DPF3: variants seen among roughly 807,000 people sequenced by gnomAD.
DPF3 encodes double PHD fingers 3.
Under a neutral mutation model 56.8 loss-of-function variants are expected in DPF3, and 18 were observed. That is an observed-to-expected ratio of 0.32 (90% CI 0.22 to 0.47). The LOEUF (loss-of-function observed/expected upper bound fraction) is 0.47, where lower values mean the gene tolerates loss of function less well. DPF3 is among the 20% of genes least tolerant of loss of function. The probability of loss-of-function intolerance (pLI) is 1.00; values close to 1 mark genes in which losing one functional copy is unlikely to be tolerated. For synonymous variants in DPF3, 188 were observed against 180.2 expected, an observed-to-expected ratio of 1.04 and a Z score of -0.35; for missense variants, 403 against 488.8, an observed-to-expected ratio of 0.82 and a Z score of 1.65.
intron 1 of DPF3, among the ~76,000 whole-genome samples, chr14:72,821,576 A>T (rs1883546299): frequency 6.6e-6 from 1 of 152,250 alleles, no homozygotes; most frequent in Non-Finnish European, 1.5e-5. Flanking sequence ...TCTCAAATAT[A>T]CTCAACGTAT....
At chr14:72,846,328 C>CTTTTTTTTT in intron 1 of DPF3, among the ~76,000 whole-genome samples, 1 of 62,432 alleles carries the variant, frequency 1.6e-5, no homozygotes, top group Non-Finnish European at 2.8e-5. Flanking sequence ...CCAGGCTAGT[C>CTTTTTTTTT]TTTTTTTTTT....
At chr14:72,690,598 G>A (rs559242515) in intron 7 of DPF3, among the ~76,000 whole-genome samples, 12 of 149,770 alleles carry the variant, frequency 8.0e-5, no homozygotes, top group Admixed American at 2.0e-4. Context: ...GTATACACAC[G>A]CACACACAAC....
At chr14:72,871,224 G>A (rs112151398) in intron 1 of DPF3, among the ~76,000 whole-genome samples, 3,139 of 152,244 alleles carry the variant, frequency 0.021, 112 homozygotes, top group African/African-American at 0.071. Context: ...TGAGATTTAC[G>A]TGGGGACACA....
At chr14:72,745,184 T>C (rs1204606129) in intron 3 of DPF3, among the ~76,000 whole-genome samples, 1 of 152,172 alleles carries the variant, frequency 6.6e-6, no homozygotes, top group East Asian at 1.9e-4. Flanking sequence ...TTTAAAGAGA[T>C]GCAACCCAGG....
intron 1 of DPF3, among the ~76,000 whole-genome samples, chr14:72,837,368 AT>A (rs904804361): frequency 2.6e-5 from 4 of 152,250 alleles, no homozygotes; most frequent in African/African-American, 4.8e-5. Flanking sequence ...AATGAAAAGC[AT>A]TTTTTTGGGG....
intron 9 of DPF3, among the ~76,000 whole-genome samples, chr14:72,629,004 A>C (rs1477167341): frequency 6.6e-6 from 1 of 152,222 alleles, no homozygotes; most frequent in Non-Finnish European, 1.5e-5. Flanking sequence ...GCCTTATTTG[A>C]ATCCCAATTC....
In DPF3 at chr14:72,755,684, T is replaced by G. The variant is rs984314524; in HGVS notation, c.194-2313A>C. ...TCTTGGACTCCACACTCATGCAACATGACAGACCCCCTGCCCCATCCACCA... is the reference window on the plus strand; with the variant it reads ...TCTTGGACTCCACACTCATGCAACAGGACAGACCCCCTGCCCCATCCACCA... On this transcript the variant is annotated intron_variant, in intron 2 of 10. Coordinates refer to ENST00000556509, the MANE Select transcript of DPF3 (RefSeq NM_001280542.3). 1.2e-4 allele frequency among the ~76,000 whole-genome samples: 18 copies of G among 152,322 alleles called. No individual in the cohort carries two copies. In the South Asian group the frequency reaches 1.2e-3, roughly 11 times the overall value.
chr14:72,696,143 A>T (rs931194157), intron 6 of DPF3, among the ~76,000 whole-genome samples: 26 of 152,202 alleles, frequency 1.7e-4, no homozygotes, highest in Admixed American at 1.6e-3. Context: ...ATAAATGCTT[A>T]TTAAAAGTAA....
chr14:72,838,854 A>G (rs1210575283), intron 1 of DPF3, among the ~76,000 whole-genome samples: 6 of 141,592 alleles, frequency 4.2e-5, no homozygotes, highest in Non-Finnish European at 7.5e-5. Flanking sequence ...AGTATATGGT[A>G]TGTCTCTTGC....
intron 2 of DPF3, among the ~76,000 whole-genome samples, chr14:72,759,588 AG>A (rs1468870361): frequency 6.6e-6 from 1 of 151,536 alleles, no homozygotes; most frequent in East Asian, 1.9e-4. Flanking sequence ...AAGAAAGGGA[AG>A]GAAGGAAGGA....
chr14:72,861,788 A>AAAGAAAGAAAGAAAGC (rs1567261290), intron 1 of DPF3, among the ~76,000 whole-genome samples: 9 of 151,260 alleles, frequency 6.0e-5, no homozygotes, highest in Admixed American at 5.3e-4. Flanking sequence ...AGAAAGAAAG[A>AAAGAAAGAAAGAAAGC]AAGAAAGAAA....
intron 3 of DPF3, among the ~76,000 whole-genome samples, chr14:72,749,504 G>A (rs1485930340): frequency 1.3e-5 from 2 of 152,230 alleles, no homozygotes; most frequent in Non-Finnish European, 2.9e-5. Flanking sequence ...TTGGAAGACG[G>A]TTAGGAAGGC....
intron 6 of DPF3, among the ~76,000 whole-genome samples, chr14:72,694,311 C>A (rs988425977): frequency 3.9e-4 from 45 of 116,498 alleles, no homozygotes; most frequent in African/African-American, 1.2e-3. Flanking sequence ...TCAGAGCAAA[C>A]CAACCTGCTC....
At chr14:72,671,003 T>A in intron 8 of DPF3, 1 of 1,424,672 alleles carries the variant, frequency 7.0e-7, no homozygotes, top group Non-Finnish European at 9.2e-7. Flanking sequence ...ACGTGGGAGG[T>A]GAAGGGAAAA....
chr14:72,691,632 C>G (rs1430465424), intron 7 of DPF3, among the ~76,000 whole-genome samples: 5 of 151,852 alleles, frequency 3.3e-5, no homozygotes, highest in African/African-American at 4.8e-5. Context: ...GAGGCTGAGG[C>G]AGGAGAATCG....
rs78862083 is a variant in DPF3, at chr14:72,861,443, G to A, written c.32+32614C>T. Among the ~76,000 whole-genome samples the A allele has an allele frequency of 3.2e-4, 49 of 152,170 alleles. 2 individuals carry two copies. In the East Asian group the frequency reaches 6.4e-3, roughly 20 times the overall value. ...TATTCTCTCTCAATATGTTGAGTAT[G>A]TTTCTCACCCACTTTTGAGGGTGAA... On this transcript the variant is annotated intron_variant, in intron 1 of 10. Coordinates refer to ENST00000556509, the MANE Select transcript of DPF3 (RefSeq NM_001280542.3).
chr14:72,670,976 G>T, intron 8 of DPF3: 1 of 591,188 alleles, frequency 1.7e-6, no homozygotes, highest in South Asian at 2.0e-5. Flanking sequence ...GAGGGGTGGG[G>T]GGAGGGATGG....
At chr14:72,677,828 G>A (rs1044148883) in intron 7 of DPF3, among the ~76,000 whole-genome samples, 1 of 152,204 alleles carries the variant, frequency 6.6e-6, no homozygotes. Flanking sequence ...GTCACTGGAA[G>A]AATAATACTG....
intron 1 of DPF3, among the ~76,000 whole-genome samples, chr14:72,862,862 C>A (rs1885491721): frequency 6.6e-6 from 1 of 152,116 alleles, no homozygotes; most frequent in African/African-American, 2.4e-5. Flanking sequence ...GGTGCCCCCA[C>A]TAGAATGCAA....
Sources: gnomAD v4.1 joint callset for allele counts (sites outside exome capture counted in the v4.1 genomes callset) on GRCh38, gnomAD v4.1.1 for gene constraint, MANE v1.5 for transcripts, NCBI Gene and HGNC (gene_info 2026-07-23, HGNC 2026-07-21) for gene names.